DLGAP2: variants seen among roughly 807,000 people sequenced by gnomAD.
DLGAP2 encodes the protein disks large-associated protein 2.
DLGAP2 carries 26 observed loss-of-function variants against 100.3 expected under a neutral mutation model. The observed-to-expected ratio is 0.26, with a 90% CI of 0.19 to 0.36. The LOEUF is 0.36. Ranked by LOEUF, DLGAP2 falls within the 10% of genes least tolerant of loss-of-function variation. The pLI, the probability that DLGAP2 is intolerant of heterozygous loss-of-function variation, is 1.00. For synonymous variants in DLGAP2, 886 were observed against 630.1 expected (o/e 1.41, Z -6.08); for missense variants, 1,858 against 1,453.2 (o/e 1.28, Z -4.53).
At chr8:1,186,452 G>A (rs1797506805) in intron 2 of DLGAP2, among the ~76,000 whole-genome samples, 1 of 152,232 alleles carries the variant, frequency 6.6e-6, no homozygotes, top group African/African-American at 2.4e-5. Context: ...AGCGAGTTCA[G>A]TTGCTTCACG....
chr8:997,842 G>C (rs889021770), intron 2 of DLGAP2, among the ~76,000 whole-genome samples: 2 of 150,848 alleles, frequency 1.3e-5, no homozygotes, highest in African/African-American at 4.8e-5. Context: ...GCATACACGT[G>C]TGCATACATA....
At chr8:924,874 C>T (rs531522263) in intron 2 of DLGAP2, among the ~76,000 whole-genome samples, 2 of 152,170 alleles carry the variant, frequency 1.3e-5, no homozygotes, top group Non-Finnish European at 2.9e-5. Context: ...GCATGAGCCA[C>T]CGCGCCTGGC....
At chr8:899,957 T>A (rs77613002) in intron 1 of DLGAP2, among the ~76,000 whole-genome samples, 11,805 of 152,246 alleles carry the variant, frequency 0.078, 611 homozygotes, top group Admixed American at 0.14. Context: ...ACAGCGAGAA[T>A]CACCATCCCA....
At chr8:1,524,566 C>T (rs1003687982) in intron 4 of DLGAP2, among the ~76,000 whole-genome samples, 6 of 152,158 alleles carry the variant, frequency 3.9e-5, no homozygotes, top group Non-Finnish European at 8.8e-5. Flanking sequence ...CCCTGGCATG[C>T]AAACCCCATC....
chr8:1,449,836 A>AGGAG, intron 3 of DLGAP2, among the ~76,000 whole-genome samples: 1 of 89,722 alleles, frequency 1.1e-5, no homozygotes, highest in African/African-American at 5.9e-5. Context: ...GGTGGCTGTG[A>AGGAG]CTGTAGCGGA....
chr8:980,528 G>A (rs1212248096), intron 2 of DLGAP2, among the ~76,000 whole-genome samples: 1 of 152,206 alleles, frequency 6.6e-6, no homozygotes, highest in Non-Finnish European at 1.5e-5. Flanking sequence ...GACCTTGGGT[G>A]CTTATTTCTG....
At chr8:1,699,779 A>G (rs547339459) in intron 14 of DLGAP2, among the ~76,000 whole-genome samples, 4 of 152,306 alleles carry the variant, frequency 2.6e-5, no homozygotes, top group South Asian at 2.1e-4. Flanking sequence ...GGCCCTGCAC[A>G]GCATCTGCTG....
intron 6 of DLGAP2, among the ~76,000 whole-genome samples, chr8:1,569,543 G>A (rs968600197): frequency 6.6e-6 from 1 of 152,186 alleles, no homozygotes; most frequent in South Asian, 2.1e-4. Flanking sequence ...CATTTTTGCT[G>A]TTGCCTATTC....
intron 2 of DLGAP2, among the ~76,000 whole-genome samples, chr8:1,022,133 C>T (rs145786280): frequency 5.9e-5 from 9 of 152,258 alleles, no homozygotes; most frequent in Non-Finnish European, 1.2e-4. Flanking sequence ...GGGCCATGTC[C>T]GAGCCACACA....
chr8:982,569 A>C (rs1456657610), intron 2 of DLGAP2, among the ~76,000 whole-genome samples: 2 of 152,226 alleles, frequency 1.3e-5, no homozygotes, highest in African/African-American at 2.4e-5. Flanking sequence ...AAGAAGGCCA[A>C]CTTGCTATGG....
intron 2 of DLGAP2, among the ~76,000 whole-genome samples, chr8:1,174,164 T>A (rs1797198446): frequency 6.6e-6 from 1 of 151,900 alleles, no homozygotes; most frequent in Non-Finnish European, 1.5e-5. Flanking sequence ...GAAGGGTGAG[T>A]TAGGAATTAG....
chr8:1,324,225 G>C (rs937720174), intron 3 of DLGAP2, among the ~76,000 whole-genome samples: 14 of 152,198 alleles, frequency 9.2e-5, no homozygotes, highest in South Asian at 2.1e-4. Context: ...ACAAACCACT[G>C]TCTCTGCCCC....
At chr8:1,266,653 A>G (rs1404840232) in intron 3 of DLGAP2, among the ~76,000 whole-genome samples, 1 of 152,112 alleles carries the variant, frequency 6.6e-6, no homozygotes, top group Non-Finnish European at 1.5e-5. Flanking sequence ...CCACGCACTG[A>G]CGTACGCCTC....
At chr8:1,515,043 G>A (rs138283583) in intron 4 of DLGAP2, among the ~76,000 whole-genome samples, 4 of 151,590 alleles carry the variant, frequency 2.6e-5, no homozygotes, top group African/African-American at 9.7e-5. Context: ...GGAGACCAAC[G>A]TGCAGGGATA....
At chr8:770,243 G>A (rs985570302) in intron 1 of DLGAP2, among the ~76,000 whole-genome samples, 1 of 152,094 alleles carries the variant, frequency 6.6e-6, no homozygotes, top group South Asian at 2.1e-4. Flanking sequence ...TCTCGTCAGG[G>A]GTGAGGGAGA....
chr8:1,639,956 TGCAAA>T, intron 8 of DLGAP2, among the ~76,000 whole-genome samples: 1 of 152,344 alleles, frequency 6.6e-6, no homozygotes, highest in Admixed American at 6.5e-5. Flanking sequence ...TACTCACATC[TGCAAA>T]GTCCCTTTTG....
intron 2 of DLGAP2, among the ~76,000 whole-genome samples, chr8:994,923 C>T (rs1241981106): frequency 6.6e-6 from 1 of 152,096 alleles, no homozygotes; most frequent in East Asian, 1.9e-4. Context: ...TAAGGAAAAT[C>T]GGACAACGGT....
At chr8:1,242,160 T>A (rs1286079904) in intron 2 of DLGAP2, among the ~76,000 whole-genome samples, 1 of 152,192 alleles carries the variant, frequency 6.6e-6, no homozygotes, top group Non-Finnish European at 1.5e-5. Context: ...GAACATTAAT[T>A]AACACGAAGA....
intron 2 of DLGAP2, among the ~76,000 whole-genome samples, chr8:1,078,966 T>C (rs765333666): frequency 6.6e-6 from 1 of 152,242 alleles, no homozygotes; most frequent in East Asian, 1.9e-4. Flanking sequence ...TTTAGTTTTA[T>C]AAGAAACTGC....
Sources: allele counts gnomAD v4.1 joint callset (sites outside exome capture counted in the v4.1 genomes callset), GRCh38; gene constraint gnomAD v4.1.1; transcripts MANE v1.5; gene names NCBI Gene and HGNC (gene_info 2026-07-23, HGNC 2026-07-21).